The following CACNA1C variants were observed in gnomAD, a reference collection of about 807,000 sequenced individuals.
CACNA1C encodes calcium voltage-gated channel subunit alpha1 C, also known as voltage-dependent L-type calcium channel subunit alpha-1C.
CACNA1C carries 30 observed loss-of-function variants against 229.0 expected under a neutral mutation model. The ratio of observed to expected loss-of-function variants is 0.13; its 90% CI spans 0.10 to 0.18. The LOEUF is 0.18. Ranked by LOEUF, CACNA1C falls within the 10% of genes least tolerant of loss-of-function variation. The probability of loss-of-function intolerance (pLI) is 1.00; values close to 1 mark genes in which losing one functional copy is unlikely to be tolerated. For missense variants in CACNA1C, 1,658 were observed against 2,845.0 expected, an observed-to-expected ratio of 0.58 and a Z score of 9.49; for synonymous variants, 1,114 against 1,132.5, an observed-to-expected ratio of 0.98 and a Z score of 0.33.
At chr12:2,265,714 A>C (rs995219395) in intron 3 of CACNA1C, among the ~76,000 whole-genome samples, 5 of 152,188 alleles carry the variant, frequency 3.3e-5, no homozygotes, top group Non-Finnish European at 5.9e-5. Flanking sequence ...GCCTGGTAGC[A>C]AGGATGAAGA....
At chr12:2,590,087 C>T (rs542871371) in intron 18 of CACNA1C, among the ~76,000 whole-genome samples, 45 of 152,296 alleles carry the variant, frequency 3.0e-4, no homozygotes, top group African/African-American at 9.9e-4. Flanking sequence ...AAACTAAGCT[C>T]CTTGAGGACA....
chr12:2,412,341 T>C (rs973370534), intron 3 of CACNA1C, among the ~76,000 whole-genome samples: 2 of 152,232 alleles, frequency 1.3e-5, no homozygotes, highest in African/African-American at 4.8e-5. Flanking sequence ...GCAGTGACGT[T>C]TGTGGCTTTG....
At chr12:2,573,687 C>T (rs115565464) in intron 13 of CACNA1C, among the ~76,000 whole-genome samples, 1 of 152,344 alleles carries the variant, frequency 6.6e-6, no homozygotes, top group African/African-American at 2.4e-5. Context: ...CACAGTGGTA[C>T]ATCCAGAGCA....
At chr12:2,484,035 C>T (rs2099687572) in intron 5 of CACNA1C, among the ~76,000 whole-genome samples, 1 of 152,142 alleles carries the variant, frequency 6.6e-6, no homozygotes, top group South Asian at 2.1e-4. Context: ...GCCTTAGCAA[C>T]AAAATGGAAA....
intron 3 of CACNA1C, among the ~76,000 whole-genome samples, chr12:2,448,242 T>G (rs2099318990): frequency 6.6e-6 from 1 of 152,216 alleles, no homozygotes; most frequent in South Asian, 2.1e-4. Flanking sequence ...GAAGATTGTC[T>G]TCTGCCCCTT....
At chr12:2,019,470 A>G (rs906128655) in intron 1 of CACNA1C, among the ~76,000 whole-genome samples, 5 of 146,998 alleles carry the variant, frequency 3.4e-5, no homozygotes. Flanking sequence ...TAAAATAAAC[A>G]TAACAAAGAA....
chr12:2,086,713 A>G (rs1261851551), intron 1 of CACNA1C, among the ~76,000 whole-genome samples: 1 of 152,132 alleles, frequency 6.6e-6, no homozygotes, highest in Non-Finnish European at 1.5e-5. Flanking sequence ...CGTTTTCTCC[A>G]TTCAGCTAAT....
intron 9 of CACNA1C, among the ~76,000 whole-genome samples, chr12:2,522,427 T>A (rs567394320): frequency 6.6e-6 from 1 of 152,274 alleles, no homozygotes; most frequent in South Asian, 2.1e-4. Flanking sequence ...GTTGGCCAAA[T>A]ACCATTTTTC....
intron 15 of CACNA1C, 104 bp from the exon 16 acceptor site, chr12:2,584,399 C>T: frequency 1.3e-6 from 1 of 747,392 alleles, no homozygotes; most frequent in Admixed American, 2.0e-5. Flanking sequence ...CTCAAGCTCT[C>T]TCTGCTGAGG....
chr12:2,368,349 A>G (rs2097772673), intron 3 of CACNA1C, among the ~76,000 whole-genome samples: 1 of 152,210 alleles, frequency 6.6e-6, no homozygotes, highest in Non-Finnish European at 1.5e-5. Flanking sequence ...GAAAATTATC[A>G]ATATTTGCAA....
At chr12:2,640,631 G>A (rs374454348) in intron 30 of CACNA1C, among the ~76,000 whole-genome samples, 2 of 152,176 alleles carry the variant, frequency 1.3e-5, no homozygotes, top group African/African-American at 2.4e-5. Flanking sequence ...AGCAAGCAGC[G>A]ACAAGGCAGG....
chr12:2,447,114 C>G (rs1315914306), intron 3 of CACNA1C, among the ~76,000 whole-genome samples: 1 of 152,170 alleles, frequency 6.6e-6, no homozygotes, highest in Non-Finnish European at 1.5e-5. Context: ...GGCTGTGTGA[C>G]AGCTCCACTA....
At chr12:2,611,762 G>A (rs1173019952) in intron 28 of CACNA1C, 141 bp from the exon 29 acceptor site, 2 of 606,748 alleles carry the variant, frequency 3.3e-6, no homozygotes, top group Non-Finnish European at 5.9e-6. Context: ...ACTGCCCACG[G>A]AGAGGTGGGC....
In CACNA1C at chr12:2,641,601, C is replaced by A. The variant is rs1006379801; in HGVS notation, c.3913-6874C>A. 6 of 644,512 alleles carry A rather than the reference C, an allele frequency of 9.3e-6. No homozygotes were observed. In the East Asian group the frequency reaches 1.1e-4, roughly 12 times the overall value. 39.9% of individuals were successfully genotyped at this position (644,512 alleles called of 1,614,324 possible). On this transcript the variant is annotated intron_variant, in intron 30 of 46. Coordinates refer to ENST00000399655, the MANE Select transcript of CACNA1C (RefSeq NM_000719.7). ...GCAACAGCCCCCACCCCCAACAAAC[C>A]TAATGCTACCAAGATGCCTTGTTTC...
chr12:2,564,783 A>G (rs930004569), intron 11 of CACNA1C, among the ~76,000 whole-genome samples: 3 of 152,162 alleles, frequency 2.0e-5, no homozygotes, highest in African/African-American at 7.2e-5. Flanking sequence ...TTCCATTAAT[A>G]TAGCTATTGC....
chr12:2,551,128 G>A (rs570715383), intron 10 of CACNA1C, among the ~76,000 whole-genome samples: 1 of 152,162 alleles, frequency 6.6e-6, no homozygotes, highest in African/African-American at 2.4e-5. Context: ...CTATAGGAAG[G>A]CTTCAAAGTC....
chr12:2,177,853 T>A (rs968111899), intron 3 of CACNA1C, among the ~76,000 whole-genome samples: 1 of 151,834 alleles, frequency 6.6e-6, no homozygotes, highest in African/African-American at 2.4e-5. Context: ...GCCAGGCAGG[T>A]CTTGAACTCC....
rs1375194164 is a variant in CACNA1C, at chr12:2,493,972, A to G, written c.1113+586A>G. 6.6e-6 allele frequency among the ~76,000 whole-genome samples: 1 copy of G among 151,938 alleles called. No homozygotes were observed. The highest frequency in any genetic ancestry group is 1.5e-5 in the Non-Finnish European group (1 of 67,974). ...GCAGCATTTTTACTATTCCCCAAAC[A>G]TGCTGCTGGTCATGTGATGCCTATT... is the stretch of plus-strand genomic sequence containing the variant. On this transcript the variant is annotated intron_variant, in intron 7 of 46. Coordinates refer to ENST00000399655, the MANE Select transcript of CACNA1C (RefSeq NM_000719.7). This position sits in a 1 kb window ranked among gnomAD's most constrained non-coding sequence, Gnocchi z 4.6.
At chr12:2,024,474 C>T (rs1359947915) in intron 1 of CACNA1C, among the ~76,000 whole-genome samples, 1 of 152,220 alleles carries the variant, frequency 6.6e-6, no homozygotes, top group African/African-American at 2.4e-5. Flanking sequence ...TGCTCCTGCC[C>T]ACCTAGAGTG....
Sources: gnomAD v4.1 joint callset for allele counts (sites outside exome capture counted in the v4.1 genomes callset) on GRCh38, gnomAD v4.1.1 for gene constraint, Gnocchi (gnomAD v3.1) non-coding constraint, MANE v1.5 for transcripts, NCBI Gene and HGNC (gene_info 2026-07-23, HGNC 2026-07-21) for gene names.